The following TEX101 variants were observed in gnomAD, a reference collection of about 807,000 sequenced individuals.
TEX101 encodes the protein testis expressed 101.
TEX101 carries 10 observed loss-of-function variants against 18.1 expected under a neutral mutation model. That is an observed-to-expected ratio of 0.55 (90% CI 0.34 to 0.94). The LOEUF is 0.94. TEX101 is among the 40% of genes least tolerant of loss of function. The probability of loss-of-function intolerance (pLI) is 0.02; values close to 1 mark genes in which losing one functional copy is unlikely to be tolerated. For missense variants in TEX101, 259 were observed against 298.9 expected, an observed-to-expected ratio of 0.87 and a Z score of 0.98; for synonymous variants, 94 against 114.8, an observed-to-expected ratio of 0.82 and a Z score of 1.16.
chr19:43,389,956 T>A, the TEX101 span, among the ~76,000 whole-genome samples: 507 of 151,834 alleles, frequency 3.3e-3, 1 homozygote, highest in African/African-American at 0.011. Flanking sequence ...CCGAGCCAGC[T>A]TCTTCTCTGT....
At chr19:43,392,711 CAG>C in the TEX101 span, among the ~76,000 whole-genome samples, 2 of 151,932 alleles carry the variant, frequency 1.3e-5, no homozygotes, top group African/African-American at 4.8e-5. Flanking sequence ...TGGAGAGATA[CAG>C]AGTGAGAGAC....
the TEX101 span, among the ~76,000 whole-genome samples, chr19:43,393,690 A>G: frequency 6.6e-6 from 1 of 152,180 alleles, no homozygotes; most frequent in Non-Finnish European, 1.5e-5. Context: ...CGATACTTGT[A>G]CACTCATAAC....
Position 43,402,709 on chromosome 19 carries a change from T to C in TEX101, c.-376-57T>C, listed in dbSNP as rs565325317. ...CATTCTCCTGCCTCAGCCTCCTGAGTAGCTGGGACTACAGGCGCCCGCCAC... is the reference window on the plus strand; with the variant it reads ...CATTCTCCTGCCTCAGCCTCCTGAGCAGCTGGGACTACAGGCGCCCGCCAC... On this transcript the variant is annotated intron_variant, in intron 1 of 7. Transcript: ENST00000602198. 366 of 152,198 alleles carry C rather than the reference T, an allele frequency of 2.4e-3. 4 individuals are homozygous for C. Among genetic ancestry groups the C allele is most frequent in the African/African-American group, 8.4e-3 (348 of 41,498 alleles). 9.4% of individuals were successfully genotyped at this position (152,198 alleles called of 1,614,324 possible).
rs534484155 is a variant in TEX101, at chr19:43,401,563, T to A, written c.-377+2T>A. The A allele has an allele frequency of 1.3e-5, 2 of 152,352 alleles. No individual in the cohort carries two copies. The highest frequency in any genetic ancestry group is 4.1e-4 in the South Asian group (2 of 4,828). The allele number at this position is 152,352 out of a possible 1,614,324, so 9.4% of individuals were successfully genotyped here. The stretch of plus-strand genomic sequence containing the variant: ...AATAAGAAGAGAACTTTGGGCCAGG[T>A]GCGTGGCTGAGGGCCGGGAGTGGTG... On this transcript the variant is annotated splice_donor_variant, in intron 1 of 7. Coordinates refer to the TEX101 transcript ENST00000602198. LOFTEE classifies it low-confidence loss of function (5UTR_SPLICE).
At chr19:43,406,524 A>G (rs745326643) in intron 3 of TEX101, 2 of 726,256 alleles carry the variant, frequency 2.8e-6, no homozygotes, top group African/African-American at 1.8e-5. Flanking sequence ...AGGCAGGTAC[A>G]TGGGCCTTGC....
In TEX101 at chr19:43,416,582, AC is replaced by A. The variant is rs780904133; in HGVS notation, c.391+28del. 6.9e-6 allele frequency: 11 copies of A among 1,596,886 alleles called. No individual in the cohort carries two copies. The East Asian group carries it at 2.2e-4, about 32-fold the overall frequency. ...TACCCTGGAAGTGGGGGAGATAGGT[AC>A]TAAGAGAAACTCCATAAAGAGCTTG... On this transcript the variant is annotated intron_variant, in intron 4 of 5. Transcript: ENST00000598265.
chr19:43,390,450 C>CTTT, the TEX101 span, among the ~76,000 whole-genome samples: 14 of 62,860 alleles, frequency 2.2e-4, no homozygotes, highest in East Asian at 1.1e-3. Context: ...CTTTTCTTTT[C>CTTT]TTTTTTTTTC....
At chr19:43,414,795 C>T (rs528248181), upstream of TEX101, 18 of 972,210 alleles carry the variant, frequency 1.9e-5, no homozygotes, top group South Asian at 6.6e-4. Context: ...GTGCCGCGTT[C>T]CTCCAGGCTC....
At chr19:43,389,290 C>T in the TEX101 span, among the ~76,000 whole-genome samples, 1 of 152,362 alleles carries the variant, frequency 6.6e-6, no homozygotes, top group East Asian at 1.9e-4. Context: ...GACACAGACA[C>T]GGGTCCAGGC....
chr19:43,393,127 G>GGAAGGAAGGAAGGAA, the TEX101 span, among the ~76,000 whole-genome samples: 1 of 135,084 alleles, frequency 7.4e-6, no homozygotes, highest in African/African-American at 2.7e-5. Context: ...AAAGACAGAA[G>GGAAGGAAGGAAGGAA]GTACCCATTG....
intron 4 of TEX101, among the ~76,000 whole-genome samples, chr19:43,417,197 T>G: frequency 6.6e-6 from 1 of 152,122 alleles, no homozygotes. Context: ...CAGCTTCATT[T>G]CCCTCTCTTC....
Position 43,415,923 on chromosome 19 carries a change from G to A in TEX101, c.4G>A (p.Gly2Arg), listed in dbSNP as rs373367579. 4.6e-5 allele frequency: 74 copies of A among 1,613,990 alleles called. No individual in the cohort carries two copies. The highest frequency in any genetic ancestry group is 6.0e-5 in the Non-Finnish European group (71 of 1,180,024). The change falls in exon 2 of 6, where the codon GGA becomes AGA. Residue 2 changes from glycine to arginine, a missense_variant. Gly to Arg is a moderately radical substitution (Grantham distance 125). Coordinates refer to ENST00000598265, the MANE Select transcript of TEX101 (RefSeq NM_001130011.3). M[G>R]TPRIQHLLIL... The stretch of plus-strand genomic sequence containing the variant: ...CCAGACCTCTCCAGAAGAAGCCATG[G>A]GAACCCCTCGTATCCAGCATTTGCT...
At chr19:43,401,278 G>A (rs1057128056), upstream of TEX101, among the ~76,000 whole-genome samples, 3 of 152,196 alleles carry the variant, frequency 2.0e-5, no homozygotes, top group African/African-American at 7.2e-5. Flanking sequence ...GCATCTAGGT[G>A]TCTTGAAACG....
the TEX101 span, among the ~76,000 whole-genome samples, chr19:43,389,656 G>A: frequency 6.6e-6 from 1 of 152,116 alleles, no homozygotes; most frequent in African/African-American, 2.4e-5. Context: ...TGAGCTGGGC[G>A]GTTTTCTCTG....
chr19:43,418,141 C>G, intron 5 of TEX101, 27 bp from the exon 6 acceptor site: 3 of 1,613,122 alleles, frequency 1.9e-6, no homozygotes, highest in Non-Finnish European at 2.5e-6. Flanking sequence ...ACATCTCTGT[C>G]TCTCCCGATC....
chr19:43,415,793 C>T, intron 1 of TEX101, 88 bp from the exon 2 acceptor site: 1 of 1,170,854 alleles, frequency 8.5e-7, no homozygotes. Context: ...AAACACCCCA[C>T]CCTGAAGTCA....
chr19:43,410,417 A>G (rs1203833338), upstream of TEX101, among the ~76,000 whole-genome samples: 1 of 152,142 alleles, frequency 6.6e-6, no homozygotes, highest in Non-Finnish European at 1.5e-5. Context: ...GATATTAGAC[A>G]GGGAATGATA....
intron 3 of TEX101, among the ~76,000 whole-genome samples, chr19:43,409,227 G>A (rs1171199268): frequency 6.6e-6 from 1 of 152,190 alleles, no homozygotes; most frequent in Non-Finnish European, 1.5e-5. Context: ...TGAAATAGCT[G>A]GACTGCTAAC....
At chr19:43,406,914 T>G (rs1226438840) in intron 3 of TEX101, among the ~76,000 whole-genome samples, 1 of 145,022 alleles carries the variant, frequency 6.9e-6, no homozygotes, top group East Asian at 2.2e-4. Context: ...TCTTTTTGTT[T>G]TTTGTCTTTG....
Sources: gnomAD v4.1 joint callset for allele counts (sites outside exome capture counted in the v4.1 genomes callset) on GRCh38, gnomAD v4.1.1 for gene constraint, MANE v1.5 for transcripts, NCBI Gene and HGNC (gene_info 2026-07-23, HGNC 2026-07-21) for gene names.